HERC3: variants seen among roughly 807,000 people sequenced by gnomAD.
HERC3 encodes the protein probable E3 ubiquitin-protein ligase HERC3.
In HERC3, 58 loss-of-function variants were observed where a neutral mutation model predicts 129.9. That is an observed-to-expected ratio of 0.45 (90% CI 0.36 to 0.56). The LOEUF is 0.56. Ranked by LOEUF, HERC3 falls within the 20% of genes least tolerant of loss-of-function variation. HERC3 has a pLI of 0.00. For missense variants in HERC3, 835 were observed against 1,244.2 expected (o/e 0.67, Z 4.95); for synonymous variants, 430 against 451.0 (o/e 0.95, Z 0.59).
chr4:88,539,085 C>T, the HERC3 span, among the ~76,000 whole-genome samples: 1 of 152,154 alleles, frequency 6.6e-6, no homozygotes, highest in Non-Finnish European at 1.5e-5. Flanking sequence ...GTGGGTGCAA[C>T]ACACAGAGGG....
chr4:88,615,431 A>G (rs1228719588), intron 3 of HERC3, among the ~76,000 whole-genome samples: 2 of 152,222 alleles, frequency 1.3e-5, no homozygotes, highest in Non-Finnish European at 2.9e-5. Context: ...GTATGGTCTC[A>G]TATCCTTGTA....
the HERC3 span, among the ~76,000 whole-genome samples, chr4:88,555,128 AC>A: frequency 2.0e-5 from 3 of 152,062 alleles, no homozygotes; most frequent in Non-Finnish European, 4.4e-5. Context: ...TACTAAAAAT[AC>A]AAAAATTAGG....
rs1731216928 is a variant in HERC3, at chr4:88,667,935, G to C, written c.1487G>C (p.Ser496Thr). Residue 496 changes from serine (S) to threonine (T), a missense_variant, in exon 14 of 26, where the codon AGC becomes ACC. By Grantham distance (58) the Ser-to-Thr change is moderately conservative. Coordinates refer to ENST00000402738, the MANE Select transcript of HERC3 (RefSeq NM_014606.3). The part of the protein sequence containing the change: ...FESCLIPQLS[S>T]SPPDVEAMRI... ...AGTTGTCTGATTCCCCAGTTGTCAA[G>C]CTCACCACCAGATGTTGAAGCCATG... 6.2e-7 allele frequency: 1 copy of C among 1,613,328 alleles called. No individual in the cohort carries two copies. The highest frequency in any genetic ancestry group is 1.7e-5 in the Admixed American group (1 of 59,950).
chr4:88,628,857 A>G (rs1173456171), intron 3 of HERC3, among the ~76,000 whole-genome samples: 1 of 152,156 alleles, frequency 6.6e-6, no homozygotes, highest in Non-Finnish European at 1.5e-5. Context: ...AGAGGAGGGA[A>G]GTGGTAAGAA....
intron 23 of HERC3, among the ~76,000 whole-genome samples, chr4:88,691,003 C>T (rs1396440324): frequency 6.6e-6 from 1 of 152,154 alleles, no homozygotes; most frequent in Non-Finnish European, 1.5e-5. Flanking sequence ...TCAGAGAAGT[C>T]AGCTTGGACA....
intron 23 of HERC3, 94 bp from the exon 24 acceptor site, chr4:88,704,004 T>C (rs1244601010): frequency 2.9e-5 from 33 of 1,150,604 alleles, no homozygotes; most frequent in Non-Finnish European, 4.0e-5. Flanking sequence ...GATGAAATTC[T>C]ATTTTTTATC....
chr4:88,660,077 A>G (rs976676837), intron 10 of HERC3, among the ~76,000 whole-genome samples: 7 of 152,220 alleles, frequency 4.6e-5, no homozygotes, highest in Admixed American at 2.6e-4. Flanking sequence ...ACTGAAACCT[A>G]TGCACATTTA....
At chr4:88,543,613 G>A in the HERC3 span, among the ~76,000 whole-genome samples, 1 of 152,162 alleles carries the variant, frequency 6.6e-6, no homozygotes, top group East Asian at 1.9e-4. Context: ...CCAAAAAAGA[G>A]CCTGCATTGC....
chr4:88,686,672 G>A (rs1445126043), intron 21 of HERC3, 64 bp from the exon 22 acceptor site: 3 of 1,029,248 alleles, frequency 2.9e-6, no homozygotes, highest in Non-Finnish European at 4.6e-6. Flanking sequence ...TGTAACTGAA[G>A]TAGAAACACT....
chr4:88,666,018 T>A (rs972139916), intron 12 of HERC3, among the ~76,000 whole-genome samples: 1 of 152,184 alleles, frequency 6.6e-6, no homozygotes, highest in Admixed American at 6.6e-5. Flanking sequence ...AACCCAGCGA[T>A]GCTGCTAAAC....
chr4:88,671,573 G>C (rs921347955), intron 16 of HERC3, among the ~76,000 whole-genome samples: 1 of 152,050 alleles, frequency 6.6e-6, no homozygotes, highest in African/African-American at 2.4e-5. Flanking sequence ...ACCCAGGCTG[G>C]AGTGCAGTGG....
At chr4:88,647,915 G>A (rs753236278) in intron 3 of HERC3, among the ~76,000 whole-genome samples, 1 of 150,300 alleles carries the variant, frequency 6.7e-6, no homozygotes, top group Non-Finnish European at 1.5e-5. Flanking sequence ...CTTCACACTG[G>A]CAAAGATTAG....
chr4:88,540,589 C>G, the HERC3 span, among the ~76,000 whole-genome samples: 1 of 152,140 alleles, frequency 6.6e-6, no homozygotes, highest in African/African-American at 2.4e-5. Context: ...TCAGAAAATA[C>G]AGAGAACACC....
At chr4:88,656,184 C>A in intron 9 of HERC3, 149 bp downstream of exon 9, 1 of 707,480 alleles carries the variant, frequency 1.4e-6, no homozygotes, top group Non-Finnish European at 2.3e-6. Context: ...TCTGTACTTA[C>A]TATGCATGAA....
At chr4:88,691,752 A>G (rs1734097776) in intron 23 of HERC3, among the ~76,000 whole-genome samples, 2 of 152,258 alleles carry the variant, frequency 1.3e-5, no homozygotes, top group South Asian at 4.1e-4. Context: ...GTTGTAAAAG[A>G]TTGATCATTA....
chr4:88,549,946 A>G, the HERC3 span, among the ~76,000 whole-genome samples: 1 of 152,228 alleles, frequency 6.6e-6, no homozygotes, highest in East Asian at 1.9e-4. Flanking sequence ...ATACGCGAAC[A>G]GGAGGAAGAG....
At chr4:88,528,034 CTG>C in the HERC3 span, 1 of 287,256 alleles carries the variant, frequency 3.5e-6, no homozygotes, top group African/African-American at 2.3e-5. Context: ...AAAAGCGAGA[CTG>C]TAGTTTCACG....
intron 3 of HERC3, among the ~76,000 whole-genome samples, chr4:88,630,462 C>T (rs1726619149): frequency 6.6e-6 from 1 of 152,120 alleles, no homozygotes; most frequent in South Asian, 2.1e-4. Context: ...ATGTTATACG[C>T]TTGCATTAAG....
chr4:88,529,497 C>T, the HERC3 span, among the ~76,000 whole-genome samples: 183 of 152,068 alleles, frequency 1.2e-3, no homozygotes, highest in Middle Eastern at 3.4e-3. Context: ...GGCTCATACC[C>T]GTAATCCCAG....
Sources: allele counts gnomAD v4.1 joint callset (sites outside exome capture counted in the v4.1 genomes callset), GRCh38; gene constraint gnomAD v4.1.1; transcripts MANE v1.5; gene names NCBI Gene and HGNC (gene_info 2026-07-23, HGNC 2026-07-21).